VAC14: variants seen among roughly 807,000 people sequenced by gnomAD.
The protein encoded by VAC14 is VAC14 component of PIKFYVE complex, also known as protein VAC14 homolog.
VAC14 carries 47 observed loss-of-function variants against 85.3 expected under a neutral mutation model. The ratio of observed to expected loss-of-function variants is 0.55; its 90% CI spans 0.44 to 0.70. The LOEUF is 0.70. VAC14 is among the 30% of genes least tolerant of loss of function. The probability of loss-of-function intolerance (pLI) is 0.00; values close to 1 mark genes in which losing one functional copy is unlikely to be tolerated. For synonymous variants in VAC14, 447 were observed against 430.5 expected (o/e 1.04, Z -0.47); for missense variants, 861 against 1,004.3 (o/e 0.86, Z 1.93).
chr16:70,692,930 G>T lies in VAC14; in HGVS notation c.2077C>A (p.Leu693Met), dbSNP rs1217106410. The change falls in exon 18 of 19, where the codon CTG becomes ATG. Residue 693 changes from leucine to methionine, a missense_variant. This residue lies in a region of VAC14 where 163 missense variants were observed against 162.2 expected (regional missense o/e 1.00). Transcript: ENST00000261776. ...QLLDVKNNPYLIKALYGLLML... is the reference protein window; with the variant it reads ...QLLDVKNNPYMIKALYGLLML... ...AGCAGGCCGTAGAGGGCCTTGATCA[G>T]GTAGGGGTTGTTCTTCACGTCCAGC... 1.2e-6 allele frequency: 2 copies of T among 1,611,510 alleles called. No individual in the cohort carries two copies. Among genetic ancestry groups the T allele is most frequent in the South Asian group, 1.1e-5 (1 of 90,288 alleles).
chr16:70,801,139 G>C lies in VAC14; in HGVS notation c.-239C>G, dbSNP rs528100912. 1.1e-3 allele frequency: 469 copies of C among 422,560 alleles called. No homozygotes were observed. Among genetic ancestry groups the C allele is most frequent in the Non-Finnish European group, 1.7e-3 (409 of 240,096 alleles). The allele number at this position is 422,560 out of a possible 1,614,324, so 26.2% of individuals were successfully genotyped here. ...CGGCACTAGCGGGACTCACGAGACA[G>C]CGGCCATGTTACTCGAGTCACATGA... On this transcript the variant is annotated 5_prime_UTR_variant, in exon 1 of 19. Coordinates refer to ENST00000261776, the MANE Select transcript of VAC14 (RefSeq NM_018052.5).
intron 17 of VAC14, among the ~76,000 whole-genome samples, 174 bp from the exon 18 acceptor site, chr16:70,693,145 AGG>A (rs1452525896): frequency 6.6e-6 from 1 of 152,178 alleles, no homozygotes; most frequent in Non-Finnish European, 1.5e-5. Context: ...CCAGCGAGTC[AGG>A]GGCTCCTTCA....
intron 14 of VAC14, among the ~76,000 whole-genome samples, chr16:70,707,542 A>G (rs1402424774): frequency 6.6e-6 from 1 of 152,062 alleles, no homozygotes; most frequent in East Asian, 1.9e-4. Context: ...AGAGACCTCC[A>G]TAGAAGGTCT....
chr16:70,783,999 C>A, intron 5 of VAC14, 114 bp downstream of exon 5: 1 of 806,462 alleles, frequency 1.2e-6, no homozygotes, highest in South Asian at 1.6e-5. Flanking sequence ...GTGTTAATGG[C>A]TATTCAAGGG....
intron 12 of VAC14, among the ~76,000 whole-genome samples, chr16:70,759,157 G>A (rs9935722): frequency 0.018 from 2,779 of 152,342 alleles, 86 homozygotes; most frequent in African/African-American, 0.062. Context: ...TGTCCCCTGC[G>A]AGCAGTGGCT....
chr16:70,766,411 C>T (rs2032817240), intron 10 of VAC14: 2 of 448,448 alleles, frequency 4.5e-6, no homozygotes, highest in Non-Finnish European at 9.0e-6. Flanking sequence ...GGCAGCATTT[C>T]GTGTATTAAC....
rs770426693 is a variant in VAC14, at chr16:70,688,056, C to T, written c.2221G>A (p.Ala741Thr). The change falls in exon 19 of 19, where the codon GCT (alanine) becomes ACT (threonine). Residue 741 changes from alanine to threonine, a missense_variant. Coordinates refer to ENST00000261776, the MANE Select transcript of VAC14 (RefSeq NM_018052.5). ...SLKAAPKSQK[A>T]DSPSIDYAEL... ...GCGTAGTCGATGCTAGGGGAGTCAG[C>T]TTTCTGGGACTTGGGGGCTGCCTTT... The T allele has an allele frequency of 1.9e-6, 3 of 1,594,612 alleles. No individual in the cohort carries two copies. The highest frequency in any genetic ancestry group is 1.1e-5 in the South Asian group (1 of 88,834).
intron 14 of VAC14, among the ~76,000 whole-genome samples, chr16:70,726,718 G>A (rs1395047399): frequency 8.5e-5 from 13 of 152,298 alleles, no homozygotes; most frequent in Admixed American, 3.9e-4. Context: ...CGCACATGTC[G>A]CCATCTTCGC....
rs1161592640 is a variant in VAC14, at chr16:70,762,885, C to T, written c.1301G>A (p.Arg434Gln). ...WLYHLYIKTP[R>Q]KMFRHTDSLF... The stretch of plus-strand genomic sequence containing the variant: ...TTGGAGGGGCCCAGGGCTCACCTTC[C>T]GAGGAGTTTTGATGTAGAGGTGGTA... The change falls in exon 11 of 19, where the codon CGG becomes CAG. Residue 434 changes from arginine to glutamine, a missense_variant. Around this residue, in one of 3 missense-constraint regions of VAC14, gnomAD observed 629 missense variants for 703.1 expected, o/e 0.89. Coordinates refer to ENST00000261776, the MANE Select transcript of VAC14 (RefSeq NM_018052.5). The surrounding 1 kb of genome is among the most constrained non-coding windows in gnomAD (Gnocchi z 4.1). 17 of 1,614,076 alleles carry T rather than the reference C, an allele frequency of 1.1e-5. No individual in the cohort carries two copies. Among genetic ancestry groups the T allele is most frequent in the Non-Finnish European group, 1.2e-5 (14 of 1,180,060 alleles).
chr16:70,689,217 T>G lies in VAC14; in HGVS notation c.2187-1127A>C, dbSNP rs112737703. 31 of 983,876 alleles carry G rather than the reference T, an allele frequency of 3.2e-5. 1 individual carries two copies. In the African/African-American group the frequency reaches 3.5e-4, roughly 11 times the overall value. The allele number at this position is 983,876 out of a possible 1,614,324, so 60.9% of individuals were successfully genotyped here. ...GGCTACCTAAGGAGCGGCCCTGGGG[T>G]GGCTGCCAAGATGCCTTGACACGAT... On this transcript the variant is annotated intron_variant, in intron 18 of 18. Transcript: ENST00000261776.
At position 70,698,823 on chromosome 16, in the gene VAC14, G is replaced by A; in HGVS notation, c.1662-12C>T. The A allele has an allele frequency of 6.2e-7, 1 of 1,613,130 alleles. No homozygotes were observed. Among genetic ancestry groups the A allele is most frequent in the Non-Finnish European group, 8.5e-7 (1 of 1,179,828 alleles). ...GGAGGCACAGCTGCCTGGAGAGCAG[G>A]CAGACTGGGGTCAGGGCGCAGGCCG... is the stretch of plus-strand genomic sequence containing the variant. On this transcript the variant is annotated splice_polypyrimidine_tract_variant and intron_variant, in intron 14 of 18. Transcript: ENST00000261776.
chr16:70,764,339 G>T (rs767057496), intron 10 of VAC14, among the ~76,000 whole-genome samples: 2 of 152,204 alleles, frequency 1.3e-5, no homozygotes, highest in Non-Finnish European at 2.9e-5. Flanking sequence ...GAGTCTCTGG[G>T]CGGGTGGCCA....
At chr16:70,763,399 A>C (rs1399741833) in intron 10 of VAC14, among the ~76,000 whole-genome samples, 1 of 152,234 alleles carries the variant, frequency 6.6e-6, no homozygotes, top group Non-Finnish European at 1.5e-5. Context: ...ACCCTCTCCC[A>C]GTCACTGAGC....
chr16:70,728,712 A>C (rs1231507306), intron 14 of VAC14, among the ~76,000 whole-genome samples: 1 of 152,204 alleles, frequency 6.6e-6, no homozygotes, highest in African/African-American at 2.4e-5. Flanking sequence ...TGTGGGGCTG[A>C]GACAGGGTGG....
At chr16:70,785,610 G>C in intron 3 of VAC14, 92 bp downstream of exon 3, 2 of 1,421,356 alleles carry the variant, frequency 1.4e-6, no homozygotes, top group Non-Finnish European at 1.9e-6. Flanking sequence ...TGCTCTGCTT[G>C]CATCTGGGAA....
chr16:70,702,457 C>A (rs541890124), intron 14 of VAC14, among the ~76,000 whole-genome samples: 2 of 152,054 alleles, frequency 1.3e-5, no homozygotes, highest in Non-Finnish European at 1.5e-5. Context: ...ATGTCATGCT[C>A]CAGCCGCTCG....
chr16:70,786,706 T>C (rs2034076791), intron 1 of VAC14, among the ~76,000 whole-genome samples: 1 of 152,220 alleles, frequency 6.6e-6, no homozygotes, highest in South Asian at 2.1e-4. Flanking sequence ...CAGCTTTCCA[T>C]TCGTGCATCT....
At chr16:70,791,077 C>T (rs141169445) in intron 1 of VAC14, among the ~76,000 whole-genome samples, 209 of 152,344 alleles carry the variant, frequency 1.4e-3, no homozygotes, top group Middle Eastern at 6.8e-3. Flanking sequence ...GACCTCTGAC[C>T]TCTGCAGCCT....
intron 14 of VAC14, among the ~76,000 whole-genome samples, chr16:70,712,931 C>T (rs1161914365): frequency 2.0e-5 from 3 of 152,140 alleles, no homozygotes; most frequent in Non-Finnish European, 4.4e-5. Context: ...CATGGGTGCT[C>T]CAGCCTGGCC....
Sources: allele counts gnomAD v4.1 joint callset (sites outside exome capture counted in the v4.1 genomes callset), GRCh38; gene constraint gnomAD v4.1.1; regional missense constraint gnomAD v4.1.1; non-coding constraint Gnocchi (gnomAD v3.1); transcripts MANE v1.5; gene names NCBI Gene and HGNC (gene_info 2026-07-23, HGNC 2026-07-21).